Variants in NXPH1 observed in about 807,000 individuals in gnomAD.
NXPH1 encodes the protein neurexophilin-1.
Under a neutral mutation model 23.7 loss-of-function variants are expected in NXPH1, and 5 were observed. That is an observed-to-expected ratio of 0.21 (90% CI 0.11 to 0.44). The LOEUF is 0.44. Among genes scored for constraint, NXPH1 ranks in the 20% least tolerant of loss-of-function variants. The pLI, the probability that NXPH1 is intolerant of heterozygous loss-of-function variation, is 0.99. For synonymous variants in NXPH1, 144 were observed against 122.2 expected (o/e 1.18, Z -1.18); for missense variants, 324 against 321.6 (o/e 1.01, Z -0.06).
chr7:8,467,802 A>T (rs1257444043), intron 2 of NXPH1, among the ~76,000 whole-genome samples: 27 of 152,170 alleles, frequency 1.8e-4, no homozygotes, highest in Admixed American at 1.8e-3. Flanking sequence ...GTAATCATGA[A>T]TACACATTTC....
chr7:8,740,785 A>G (rs1183413438), intron 2 of NXPH1, among the ~76,000 whole-genome samples: 1 of 152,078 alleles, frequency 6.6e-6, no homozygotes, highest in Non-Finnish European at 1.5e-5. Flanking sequence ...TAAAAATGGT[A>G]TATACTCAAG....
At chr7:8,709,094 A>G (rs1379041459) in intron 2 of NXPH1, among the ~76,000 whole-genome samples, 1 of 152,230 alleles carries the variant, frequency 6.6e-6, no homozygotes, top group Non-Finnish European at 1.5e-5. Flanking sequence ...ATATGACAGT[A>G]TACATAATTA....
At chr7:8,481,935 C>T (rs1817079807) in intron 2 of NXPH1, among the ~76,000 whole-genome samples, 1 of 152,182 alleles carries the variant, frequency 6.6e-6, no homozygotes, top group South Asian at 2.1e-4. Context: ...AACAGGCTGA[C>T]TAGCACCTGA....
rs924794340 is a variant in NXPH1, at chr7:8,442,275, T to C, written c.54+6508T>C. Among the ~76,000 whole-genome samples the C allele has an allele frequency of 6.6e-6, 1 of 152,258 alleles. No homozygotes were observed. The highest frequency in any genetic ancestry group is 1.5e-5 in the Non-Finnish European group (1 of 68,042). The stretch of plus-strand genomic sequence containing the variant: ...GAGAACCGGGAGGCTTTTCTTGTAC[T>C]GTTTCTTTCTCCCACAATAAGACAA... On this transcript the variant is annotated intron_variant, in intron 2 of 2. Transcript: ENST00000405863. The surrounding 1 kb of genome is among the most constrained non-coding windows in gnomAD (Gnocchi z 4.6).
At chr7:8,622,060 G>A (rs6969438) in intron 2 of NXPH1, among the ~76,000 whole-genome samples, 48,652 of 151,904 alleles carry the variant, frequency 0.32, 8,775 homozygotes, top group African/African-American at 0.48. Context: ...TTTAATATTC[G>A]GAGTTACTAC....
chr7:8,710,049 A>T (rs1583240656), intron 2 of NXPH1, among the ~76,000 whole-genome samples: 1 of 152,230 alleles, frequency 6.6e-6, no homozygotes, highest in Admixed American at 6.5e-5. Context: ...TCAGAAAAGA[A>T]TCTCCTTTGC....
chr7:8,558,847 T>C (rs1818399758), intron 2 of NXPH1, among the ~76,000 whole-genome samples: 1 of 151,814 alleles, frequency 6.6e-6, no homozygotes, highest in Admixed American at 6.6e-5. Context: ...TGCCGTCTTT[T>C]GTGTTGATTA....
intron 2 of NXPH1, among the ~76,000 whole-genome samples, chr7:8,625,076 C>T (rs1819958700): frequency 1.3e-5 from 2 of 152,236 alleles, no homozygotes; most frequent in African/African-American, 4.8e-5. Context: ...GTGTCATTTT[C>T]AGCTTCCTAT....
At chr7:8,643,165 G>GCATA (rs1820345018) in intron 2 of NXPH1, among the ~76,000 whole-genome samples, 1 of 91,662 alleles carries the variant, frequency 1.1e-5, no homozygotes, top group South Asian at 4.2e-4. Context: ...GCCCGGCCAG[G>GCATA]CATACACTTT....
At chr7:8,437,413 T>C (rs1255089278) in intron 2 of NXPH1, among the ~76,000 whole-genome samples, 1 of 151,540 alleles carries the variant, frequency 6.6e-6, no homozygotes, top group African/African-American at 2.4e-5. Flanking sequence ...GGGGAGGTAA[T>C]TTTAAGGATT....
intron 2 of NXPH1, among the ~76,000 whole-genome samples, chr7:8,593,455 TC>T (rs1219420735): frequency 1.2e-4 from 18 of 152,100 alleles, no homozygotes; most frequent in African/African-American, 4.1e-4. Flanking sequence ...CAAATGCAAA[TC>T]TTGTAAAACA....
At chr7:8,637,202 C>T (rs1338911572) in intron 2 of NXPH1, among the ~76,000 whole-genome samples, 2 of 151,614 alleles carry the variant, frequency 1.3e-5, no homozygotes, top group East Asian at 3.9e-4. Flanking sequence ...TATTTCTCAT[C>T]TTGCTCACTG....
At position 8,659,242 on chromosome 7, in the gene NXPH1, A is replaced by T. The variant is rs1447316263; in HGVS notation, c.55-91766A>T. 3.3e-5 allele frequency among the ~76,000 whole-genome samples: 5 copies of T among 152,168 alleles called. 2 individuals are homozygous for T. In the East Asian group the frequency reaches 9.6e-4, roughly 29 times the overall value. Reference sequence around the variant, plus strand: ...ATGGAGATAATAAACGGCCTTAAACAGGTTTATCAGTCCAGAAAACATTGC... The same window carrying T: ...ATGGAGATAATAAACGGCCTTAAACTGGTTTATCAGTCCAGAAAACATTGC... On this transcript the variant is annotated intron_variant, in intron 2 of 2. Coordinates refer to ENST00000405863, the MANE Select transcript of NXPH1 (RefSeq NM_152745.3).
chr7:8,687,921 T>C (rs1007768133), intron 2 of NXPH1, among the ~76,000 whole-genome samples: 8 of 152,298 alleles, frequency 5.3e-5, no homozygotes, highest in Middle Eastern at 6.8e-3. Context: ...TCAGGCTCTG[T>C]TGCTTTTTTT....
At chr7:8,607,450 A>C (rs1819519800) in intron 2 of NXPH1, among the ~76,000 whole-genome samples, 1 of 152,160 alleles carries the variant, frequency 6.6e-6, no homozygotes, top group Admixed American at 6.6e-5. Flanking sequence ...AGACTAATGA[A>C]CTTCATTAGT....
chr7:8,493,879 A>T (rs1817292873), intron 2 of NXPH1, among the ~76,000 whole-genome samples: 1 of 152,006 alleles, frequency 6.6e-6, no homozygotes, highest in Admixed American at 6.6e-5. Context: ...TGCCAGGAAA[A>T]ACATGGGTAC....
intron 2 of NXPH1, among the ~76,000 whole-genome samples, chr7:8,474,779 A>G (rs142661288): frequency 1.6e-3 from 246 of 151,866 alleles, no homozygotes; most frequent in African/African-American, 5.6e-3. Flanking sequence ...CTTTTTTCCA[A>G]CCTCACTTTT....
At chr7:8,548,511 C>T (rs1818229418) in intron 2 of NXPH1, among the ~76,000 whole-genome samples, 2 of 151,490 alleles carry the variant, frequency 1.3e-5, no homozygotes, top group African/African-American at 2.4e-5. Context: ...TGTATAAATG[C>T]TGGGTAATAG....
At chr7:8,582,530 G>C (rs1818899758) in intron 2 of NXPH1, among the ~76,000 whole-genome samples, 1 of 152,164 alleles carries the variant, frequency 6.6e-6, no homozygotes, top group Non-Finnish European at 1.5e-5. Context: ...GCAGAGAGGA[G>C]ACCTGCAGTG....
Sources: allele counts gnomAD v4.1 joint callset (sites outside exome capture counted in the v4.1 genomes callset), GRCh38; gene constraint gnomAD v4.1.1; non-coding constraint Gnocchi (gnomAD v3.1); transcripts MANE v1.5; gene names NCBI Gene and HGNC (gene_info 2026-07-23, HGNC 2026-07-21).